Variants in EPHA5 observed in about 807,000 individuals in gnomAD.
The protein encoded by EPHA5 is EPH receptor A5.
In EPHA5, 60 loss-of-function variants were observed where a neutral mutation model predicts 105.0. That is an observed-to-expected ratio of 0.57 (90% CI 0.46 to 0.71). The LOEUF is 0.71. Among genes scored for constraint, EPHA5 ranks in the 30% least tolerant of loss-of-function variants. The pLI, the probability that EPHA5 is intolerant of heterozygous loss-of-function variation, is 0.00. For synonymous variants in EPHA5, 513 were observed against 449.1 expected (o/e 1.14, Z -1.80); for missense variants, 1,218 against 1,274.7 (o/e 0.96, Z 0.68).
intron 2 of EPHA5, among the ~76,000 whole-genome samples, chr4:65,612,485 C>T (rs1744870093): frequency 6.6e-6 from 1 of 152,168 alleles, no homozygotes; most frequent in Non-Finnish European, 1.5e-5. Flanking sequence ...ATTCATGTTT[C>T]TGCAAAAGAC....
chr4:65,511,240 A>T (rs1439244819), intron 3 of EPHA5, among the ~76,000 whole-genome samples: 2 of 152,140 alleles, frequency 1.3e-5, no homozygotes, highest in Admixed American at 6.6e-5. Context: ...GAGATGTGGT[A>T]AGTAGGGTGT....
intron 8 of EPHA5, among the ~76,000 whole-genome samples, chr4:65,371,020 C>G (rs1718412843): frequency 6.6e-6 from 1 of 152,082 alleles, no homozygotes; most frequent in Non-Finnish European, 1.5e-5. Context: ...TTTAACCAAT[C>G]AGAAAAACAG....
intron 3 of EPHA5, among the ~76,000 whole-genome samples, chr4:65,508,236 A>G (rs1462023248): frequency 6.6e-6 from 1 of 152,148 alleles, no homozygotes; most frequent in Non-Finnish European, 1.5e-5. Flanking sequence ...GATTTGAAGT[A>G]TACATTATTT....
At chr4:65,630,653 G>C (rs1746547205) in intron 2 of EPHA5, among the ~76,000 whole-genome samples, 2 of 151,982 alleles carry the variant, frequency 1.3e-5, no homozygotes, top group South Asian at 4.2e-4. Flanking sequence ...TCTAACACTT[G>C]CCTCAGACTC....
Position 65,322,913 on chromosome 4 carries a change from G to A in EPHA5, c.*1201C>T. On this transcript the variant is annotated 3_prime_UTR_variant, in exon 17 of 17. Coordinates refer to ENST00000613740, the MANE Select transcript of EPHA5 (RefSeq NM_001281766.3). ...AAAATTTCTAGAACTGAGTCAAAAT[G>A]GGAATGGTTACAACGGATTAACACT... 1 of 229,284 alleles carries A rather than the reference G, an allele frequency of 4.4e-6. No individual in the cohort carries two copies. The highest frequency in any genetic ancestry group is 8.7e-6 in the Non-Finnish European group (1 of 115,496). 14.2% of individuals were successfully genotyped at this position (229,284 alleles called of 1,614,324 possible). A position where few individuals can be genotyped will look rare whatever the true frequency, so the allele number is the denominator to read the frequency against.
At chr4:65,535,520 C>T (rs1276663547) in intron 3 of EPHA5, among the ~76,000 whole-genome samples, 3 of 152,072 alleles carry the variant, frequency 2.0e-5, no homozygotes, top group Non-Finnish European at 2.9e-5. Context: ...CATATATATT[C>T]ATCCTCTTTC....
In EPHA5 at chr4:65,669,731, C is replaced by G. The variant is rs1454917826; in HGVS notation, c.12G>C (p.Ser4=). 3 of 1,262,682 alleles carry G rather than the reference C, an allele frequency of 2.4e-6. No individual in the cohort carries two copies. Among genetic ancestry groups the G allele is most frequent in the Non-Finnish European group, 3.0e-6 (3 of 1,002,848 alleles). The allele number at this position is 1,262,682 out of a possible 1,614,324, so 78.2% of individuals were successfully genotyped here. ...GCCGGCGTCCCGCACCCCGGGGCCCCGAGCCCCGCATCTTCTCCGAGCCTC... is the reference window on the plus strand; with the variant it reads ...GCCGGCGTCCCGCACCCCGGGGCCCGGAGCCCCGCATCTTCTCCGAGCCTC... MRG[S]GPRGAGRRRP... is the part of the protein sequence containing the mutation. Residue 4 remains serine, a synonymous_variant, in exon 1 of 17, where the codon TCG becomes TCC. Coordinates refer to ENST00000613740, the MANE Select transcript of EPHA5 (RefSeq NM_001281766.3).
chr4:65,369,303 T>C (rs1577937513), intron 8 of EPHA5, among the ~76,000 whole-genome samples: 1 of 152,144 alleles, frequency 6.6e-6, no homozygotes. Context: ...CTGGCTAAAA[T>C]GAAAATATTT....
chr4:65,461,060 A>G (rs917797326), intron 5 of EPHA5, among the ~76,000 whole-genome samples: 2 of 151,892 alleles, frequency 1.3e-5, no homozygotes, highest in East Asian at 3.9e-4. Flanking sequence ...ACTTTCATTT[A>G]AATCATAAAT....
In EPHA5 at chr4:65,420,489, A is replaced by G. The variant is rs757548047; in HGVS notation, c.1479T>C (p.Asp493=). The part of the protein sequence containing the change: ...NSISLSWQEP[D]RPNGIILEYE... Reference sequence around the variant, plus strand: ...ACTCTAGGATGATTCCATTGGGACGATCTGGTTCTTGCCAAGACAAAGAGA... The same window carrying G: ...ACTCTAGGATGATTCCATTGGGACGGTCTGGTTCTTGCCAAGACAAAGAGA... Residue 493 remains aspartate, a synonymous_variant, in exon 6 of 17, where the codon GAT becomes GAC. Coordinates refer to ENST00000613740, the MANE Select transcript of EPHA5 (RefSeq NM_001281766.3). 1.2e-5 allele frequency: 20 copies of G among 1,612,796 alleles called. No homozygotes were observed. The highest frequency in any genetic ancestry group is 1.6e-4 in the Middle Eastern group (1 of 6,074).
intron 5 of EPHA5, among the ~76,000 whole-genome samples, chr4:65,475,780 T>C (rs1188268224): frequency 6.6e-6 from 1 of 152,148 alleles, no homozygotes; most frequent in South Asian, 2.1e-4. Context: ...CACGTTTACA[T>C]TGAATAGCAA....
intron 8 of EPHA5, among the ~76,000 whole-genome samples, chr4:65,402,980 G>C (rs1416531901): frequency 6.6e-6 from 1 of 151,466 alleles, no homozygotes; most frequent in East Asian, 1.9e-4. Context: ...CCCCTGGCTG[G>C]GATGGGCTTA....
chr4:65,455,329 C>A (rs1727476813), intron 5 of EPHA5, among the ~76,000 whole-genome samples: 1 of 152,068 alleles, frequency 6.6e-6, no homozygotes. Context: ...GGGAAATCAC[C>A]TAAATTTTAG....
intron 14 of EPHA5, among the ~76,000 whole-genome samples, chr4:65,344,090 T>A (rs1368219751): frequency 6.6e-6 from 1 of 152,178 alleles, no homozygotes; most frequent in Non-Finnish European, 1.5e-5. Context: ...AAATGAACTT[T>A]TATTCACTTA....
intron 2 of EPHA5, among the ~76,000 whole-genome samples, chr4:65,617,047 G>T (rs1745304154): frequency 6.6e-6 from 1 of 151,900 alleles, no homozygotes; most frequent in Non-Finnish European, 1.5e-5. Flanking sequence ...TTGTATTGTG[G>T]GATAACTCTT....
chr4:65,521,213 A>T (rs555263047), intron 3 of EPHA5, among the ~76,000 whole-genome samples: 1 of 152,306 alleles, frequency 6.6e-6, no homozygotes, highest in Admixed American at 6.5e-5. Flanking sequence ...TGATGAGTTC[A>T]TGTCCTTTGT....
At chr4:65,480,970 T>C (rs570141877) in intron 5 of EPHA5, among the ~76,000 whole-genome samples, 267 of 152,208 alleles carry the variant, frequency 1.8e-3, no homozygotes, top group Non-Finnish European at 3.2e-3. Context: ...TGTGTTTCAG[T>C]GTAACAAGGA....
In EPHA5 at chr4:65,322,313, T is replaced by A. The variant is rs1339985522; in HGVS notation, c.*1801A>T. On this transcript the variant is annotated 3_prime_UTR_variant, in exon 17 of 17. Coordinates refer to ENST00000613740, the MANE Select transcript of EPHA5 (RefSeq NM_001281766.3). ...ATAGGAAGTAGTTATTTCCCAAAAG[T>A]TTATTCTTATATGTGCTAATATTCA... 4.5e-6 allele frequency: 1 copy of A among 224,222 alleles called. No individual in the cohort carries two copies. The highest frequency in any genetic ancestry group is 8.9e-6 in the Non-Finnish European group (1 of 112,368). 13.9% of individuals were successfully genotyped at this position (224,222 alleles called of 1,614,324 possible).
chr4:65,372,647 G>A (rs1199970184), intron 8 of EPHA5, among the ~76,000 whole-genome samples: 1 of 151,822 alleles, frequency 6.6e-6, no homozygotes, highest in Non-Finnish European at 1.5e-5. Flanking sequence ...TGGGAATGAT[G>A]TAAGATTATA....
Sources: gnomAD v4.1 joint callset for allele counts (sites outside exome capture counted in the v4.1 genomes callset) on GRCh38, gnomAD v4.1.1 for gene constraint, MANE v1.5 for transcripts, NCBI Gene and HGNC (gene_info 2026-07-23, HGNC 2026-07-21) for gene names.